Variants in OTUB2 observed in about 807,000 individuals in gnomAD.
OTUB2 encodes the protein ubiquitin thioesterase OTUB2.
Under a neutral mutation model 25.1 loss-of-function variants are expected in OTUB2, and 21 were observed. The ratio of observed to expected loss-of-function variants is 0.84; its 90% CI spans 0.59 to 1.21. The LOEUF (loss-of-function observed/expected upper bound fraction) is 1.21, where lower values mean the gene tolerates loss of function less well. OTUB2 is among the 50% of genes most tolerant of loss of function. The probability of loss-of-function intolerance (pLI) is 0.00; values close to 1 mark genes in which losing one functional copy is unlikely to be tolerated. For synonymous variants in OTUB2, 122 were observed against 122.8 expected (o/e 0.99, Z 0.04); for missense variants, 283 against 298.0 (o/e 0.95, Z 0.37).
chr14:94,041,478 C>A (rs1342326446), intron 3 of OTUB2, among the ~76,000 whole-genome samples: 1 of 152,024 alleles, frequency 6.6e-6, no homozygotes, highest in Non-Finnish European at 1.5e-5. Context: ...TTTATTTTTT[C>A]TTAAGAGATG....
chr14:94,033,231 C>T (rs1002210750), intron 1 of OTUB2, among the ~76,000 whole-genome samples: 2 of 151,994 alleles, frequency 1.3e-5, no homozygotes, highest in African/African-American at 4.8e-5. Flanking sequence ...TTTTCCTTAA[C>T]TTGGCTCTTT....
chr14:94,030,912 C>G (rs1047900919), intron 1 of OTUB2, among the ~76,000 whole-genome samples: 2 of 152,212 alleles, frequency 1.3e-5, no homozygotes, highest in Non-Finnish European at 2.9e-5. Context: ...ACAGAAGGAA[C>G]ACCACTCTGT....
At chr14:94,031,968 G>C (rs765448539) in intron 1 of OTUB2, among the ~76,000 whole-genome samples, 3 of 152,222 alleles carry the variant, frequency 2.0e-5, no homozygotes, top group Non-Finnish European at 4.4e-5. Context: ...TCACGAATGA[G>C]AGTCAGCCAG....
intron 2 of OTUB2, among the ~76,000 whole-genome samples, 157 bp downstream of exon 2, chr14:94,037,632 G>A (rs4905143): frequency 0.46 from 68,783 of 150,270 alleles, 15,835 homozygotes; most frequent in African/African-American, 0.5. Context: ...TTGCCTTAGC[G>A]ATAAATCCTT....
chr14:94,038,881 G>A, intron 2 of OTUB2, 82 bp from the exon 3 acceptor site: 1 of 1,202,860 alleles, frequency 8.3e-7, no homozygotes, highest in Non-Finnish European at 1.2e-6. Flanking sequence ...GAGAGATGGG[G>A]GGCACCTGGC....
intron 3 of OTUB2, among the ~76,000 whole-genome samples, chr14:94,041,965 C>T (rs1482666652): frequency 2.0e-5 from 3 of 152,320 alleles, no homozygotes; most frequent in East Asian, 1.9e-4. Context: ...TTAGCGTCAG[C>T]GTCATGCATC....
At chr14:94,026,849 G>T (rs1884873121) in intron 1 of OTUB2, among the ~76,000 whole-genome samples, 1 of 152,204 alleles carries the variant, frequency 6.6e-6, no homozygotes, top group Non-Finnish European at 1.5e-5. Context: ...CGCCCTCGAC[G>T]GAAGCAGGGA....
rs866767700 is a variant in OTUB2, at chr14:94,035,429, C to T, written c.4-1951C>T. Among the ~76,000 whole-genome samples the T allele has an allele frequency of 2.1e-4, 32 of 151,866 alleles. No homozygotes were observed. The Middle Eastern group carries it at 0.01, about 49-fold the overall frequency. On this transcript the variant is annotated intron_variant, in intron 1 of 5. Transcript: ENST00000203664. ...TCAGCCTCCTGAGTAGCTGGGATTACGGGCATGTGCCACCATGCCCAGCTA... is the reference window on the plus strand; with the variant it reads ...TCAGCCTCCTGAGTAGCTGGGATTATGGGCATGTGCCACCATGCCCAGCTA...
chr14:94,047,775 T>A lies in OTUB2; in HGVS notation c.*1853T>A, dbSNP rs1885309108. On this transcript the variant is annotated 3_prime_UTR_variant, in exon 6 of 6. Coordinates refer to ENST00000203664, the MANE Select transcript of OTUB2 (RefSeq NM_023112.4). ...AAGCCTCACTGGGCTGCTATGTCTC[T>A]GTATTTGTGGCTTGTGTGGTAGCCT... 6.6e-6 allele frequency: 1 copy of A among 152,242 alleles called. No individual in the cohort carries two copies. Among genetic ancestry groups the A allele is most frequent in the South Asian group, 2.1e-4 (1 of 4,828 alleles). 9.4% of individuals were successfully genotyped at this position (152,242 alleles called of 1,614,324 possible).
At position 94,039,020 on chromosome 14, in the gene OTUB2, T is replaced by C. The variant is rs1431909518; in HGVS notation, c.157T>C (p.Tyr53His). 6.2e-7 allele frequency: 1 copy of C among 1,614,112 alleles called. No individual in the cohort carries two copies. Among genetic ancestry groups the C allele is most frequent in the African/African-American group, 1.3e-5 (1 of 74,946 alleles). Residue 53 changes from tyrosine to histidine, a missense_variant, in exon 3 of 6, where the codon TAC (tyrosine) becomes CAC (histidine). By Grantham distance (83) the Tyr-to-His change is moderately conservative. Coordinates refer to ENST00000203664, the MANE Select transcript of OTUB2 (RefSeq NM_023112.4). Reference sequence around the variant, plus strand: ...GACCAAAGGGGATGGGAACTGCTTCTACAGGGCCTTGGGCTATTCCTACCT... The same window carrying C: ...GACCAAAGGGGATGGGAACTGCTTCCACAGGGCCTTGGGCTATTCCTACCT... Reference protein sequence around the residue: ...RKTKGDGNCFYRALGYSYLES... With the variant: ...RKTKGDGNCFHRALGYSYLES...
chr14:94,042,315 A>G (rs2896255), intron 3 of OTUB2, among the ~76,000 whole-genome samples: 58,614 of 151,436 alleles, frequency 0.39, 11,540 homozygotes, highest in African/African-American at 0.47. Context: ...CCCCAGTGCT[A>G]TCCTTCTCCC....
At chr14:94,029,990 C>T (rs1188527459) in intron 1 of OTUB2, among the ~76,000 whole-genome samples, 1 of 152,122 alleles carries the variant, frequency 6.6e-6, no homozygotes, top group Admixed American at 6.5e-5. Context: ...GTGCAAAGGC[C>T]CTGGGGTGAG....
chr14:94,043,864 A>T, intron 3 of OTUB2, 107 bp from the exon 4 acceptor site: 2 of 956,560 alleles, frequency 2.1e-6, no homozygotes, highest in Non-Finnish European at 3.4e-6. Flanking sequence ...CGGCTGGACT[A>T]GAGATGAGGT....
At chr14:94,042,860 G>A (rs1412454742) in intron 3 of OTUB2, among the ~76,000 whole-genome samples, 2 of 152,192 alleles carry the variant, frequency 1.3e-5, no homozygotes, top group East Asian at 3.9e-4. Flanking sequence ...CCACACTTGC[G>A]CCAAAGTGGA....
At chr14:94,029,997 T>C (rs1884930120) in intron 1 of OTUB2, among the ~76,000 whole-genome samples, 1 of 151,708 alleles carries the variant, frequency 6.6e-6, no homozygotes, top group Admixed American at 6.6e-5. Flanking sequence ...GGCCCTGGGG[T>C]GAGAGTGTGT....
intron 3 of OTUB2, 70 bp from the exon 4 acceptor site, chr14:94,043,901 G>T: frequency 7.1e-7 from 1 of 1,411,134 alleles, no homozygotes; most frequent in African/African-American, 1.4e-5. Context: ...TTGAGAGGGG[G>T]ACGCACAGTT....
At position 94,044,629 on chromosome 14, in the gene OTUB2, C is replaced by G. The variant is rs1489816352; in HGVS notation, c.347C>G (p.Ser116Cys). The G allele has an allele frequency of 6.2e-7, 1 of 1,614,172 alleles. No homozygotes were observed. The highest frequency in any genetic ancestry group is 1.7e-5 in the Admixed American group (1 of 60,030). Reference protein sequence around the residue: ...VELVEKDGSVSSLLKVFNDQS... With the variant: ...VELVEKDGSVCSLLKVFNDQS... ...CTGGTAGAGAAGGATGGCTCAGTGTCCAGCCTGCTGAAGGTGTTCAACGAC... is the reference window on the plus strand; with the variant it reads ...CTGGTAGAGAAGGATGGCTCAGTGTGCAGCCTGCTGAAGGTGTTCAACGAC... The change falls in exon 5 of 6, where the codon TCC (serine) becomes TGC (cysteine). Residue 116 changes from serine (S) to cysteine (C), a missense_variant. Physicochemically the swap from Ser to Cys is moderately radical, Grantham distance 112. Coordinates refer to ENST00000203664, the MANE Select transcript of OTUB2 (RefSeq NM_023112.4).
In OTUB2 at chr14:94,045,711, T is replaced by C. The variant is rs1234246545; in HGVS notation, c.499-5T>C. 6.2e-7 allele frequency: 1 copy of C among 1,613,616 alleles called. No individual in the cohort carries two copies. The highest frequency in any genetic ancestry group is 1.3e-5 in the African/African-American group (1 of 74,902). On this transcript the variant is annotated splice_region_variant and splice_polypyrimidine_tract_variant and intron_variant, in intron 5 of 5. Transcript: ENST00000203664. Reference sequence around the variant, plus strand: ...GCTGGCTTGTTTTCATTTTGGCCCCTGCAGGAAGTAGAGCCCATGGCCACG... The same window carrying C: ...GCTGGCTTGTTTTCATTTTGGCCCCCGCAGGAAGTAGAGCCCATGGCCACG...
At chr14:94,040,356 G>A (rs187795384) in intron 3 of OTUB2, among the ~76,000 whole-genome samples, 72 of 152,314 alleles carry the variant, frequency 4.7e-4, no homozygotes, top group African/African-American at 1.7e-3. Flanking sequence ...ACAGTGCAGG[G>A]ATTATGACCC....
Sources: gnomAD v4.1 joint callset for allele counts (sites outside exome capture counted in the v4.1 genomes callset) on GRCh38, gnomAD v4.1.1 for gene constraint, MANE v1.5 for transcripts, NCBI Gene and HGNC (gene_info 2026-07-23, HGNC 2026-07-21) for gene names.